Variants in DISC1 observed in about 807,000 individuals in gnomAD.
The protein encoded by DISC1 is DISC1 scaffold protein.
Under a neutral mutation model 84.5 loss-of-function variants are expected in DISC1, and 57 were observed. The observed-to-expected ratio is 0.67, with a 90% CI of 0.55 to 0.84. The LOEUF (loss-of-function observed/expected upper bound fraction) is 0.84. Ranked by LOEUF, DISC1 falls within the 40% of genes least tolerant of loss-of-function variation. The pLI, the probability that DISC1 is intolerant of heterozygous loss-of-function variation, is 0.00. For missense variants in DISC1, 1,000 were observed against 1,057.8 expected (o/e 0.95, Z 0.76); for synonymous variants, 411 against 415.2 (o/e 0.99, Z 0.12).
chr1:231,949,252 T>C (rs949074869), intron 9 of DISC1, among the ~76,000 whole-genome samples: 1 of 152,188 alleles, frequency 6.6e-6, no homozygotes, highest in East Asian at 1.9e-4. Flanking sequence ...CCTCTGTGTG[T>C]GTCTTACTAG....
intron 9 of DISC1, among the ~76,000 whole-genome samples, chr1:231,900,927 G>C (rs966565923): frequency 5.3e-5 from 8 of 152,302 alleles, no homozygotes; most frequent in Admixed American, 1.3e-4. Context: ...GCCTCAGGGT[G>C]CTCATTACCA....
intron 9 of DISC1, among the ~76,000 whole-genome samples, chr1:231,915,107 CGTTATAGTTGTTA>C (rs1436696342): frequency 6.6e-6 from 1 of 152,142 alleles, no homozygotes; most frequent in Admixed American, 6.5e-5. Flanking sequence ...TTGTTTTTGA[CGTTATAGTTGTTA>C]GCATTGGGTT....
intron 10 of DISC1, among the ~76,000 whole-genome samples, chr1:231,981,987 G>A (rs563483441): frequency 3.9e-5 from 6 of 152,196 alleles, no homozygotes; most frequent in South Asian, 4.2e-4. Context: ...TTAGAAAGAC[G>A]GTTGGCAACA....
chr1:231,851,644 G>A (rs1453009163), intron 9 of DISC1, among the ~76,000 whole-genome samples: 1 of 152,142 alleles, frequency 6.6e-6, no homozygotes, highest in Non-Finnish European at 1.5e-5. Flanking sequence ...GACAGAGATG[G>A]GGAGAGGAGT....
intron 9 of DISC1, among the ~76,000 whole-genome samples, chr1:231,923,003 C>T (rs993434301): frequency 7.2e-5 from 11 of 152,060 alleles, no homozygotes; most frequent in Non-Finnish European, 1.3e-4. Flanking sequence ...CTGAGCCAGG[C>T]GTGGTGGCTC....
chr1:231,958,210 G>T (rs200945603), intron 9 of DISC1, among the ~76,000 whole-genome samples: 1 of 152,130 alleles, frequency 6.6e-6, no homozygotes, highest in Non-Finnish European at 1.5e-5. Flanking sequence ...TCTTTTATCC[G>T]TAAAGTGCCT....
At position 231,693,925 on chromosome 1, in the gene DISC1, T is replaced by C; in HGVS notation, c.167T>C (p.Phe56Ser). ...MRSSTGPGIG[F>S]LSPAVGTLFR... ...AGCTCGACAGGGCCTGGGATCGGGT[T>C]CCTTTCCCCAGCAGTGGGCACACTG... Residue 56 changes from phenylalanine (F) to serine (S), a missense_variant, in exon 2 of 13, where the codon TTC (phenylalanine) becomes TCC (serine). Phe to Ser is a radical substitution (Grantham distance 155). Around this residue, in one of 3 missense-constraint regions of DISC1, gnomAD observed 292 missense variants for 280.2 expected, o/e 1.04. Transcript: ENST00000439617. 1 of 1,614,142 alleles carries C rather than the reference T, an allele frequency of 6.2e-7. No homozygotes were observed. The highest frequency in any genetic ancestry group is 8.5e-7 in the Non-Finnish European group (1 of 1,180,008).
intron 9 of DISC1, among the ~76,000 whole-genome samples, chr1:231,942,871 A>G (rs1402918757): frequency 2.6e-5 from 4 of 152,154 alleles, no homozygotes; most frequent in African/African-American, 9.7e-5. Context: ...GGAGCCTTAT[A>G]ACACAGACTG....
intron 3 of DISC1, chr1:231,745,621 C>T (rs1245833499): frequency 6.5e-6 from 1 of 154,762 alleles, no homozygotes; most frequent in African/African-American, 2.4e-5. Context: ...TTCTCTATTG[C>T]TGTAGAACAC....
At chr1:231,810,056 A>G (rs115440474) in intron 8 of DISC1, among the ~76,000 whole-genome samples, 2 of 152,388 alleles carry the variant, frequency 1.3e-5, no homozygotes, top group African/African-American at 2.4e-5. Context: ...TTTATTATAT[A>G]CCACGAAAAA....
chr1:231,874,923 A>AAG (rs1461128014), intron 9 of DISC1, among the ~76,000 whole-genome samples: 1 of 151,774 alleles, frequency 6.6e-6, no homozygotes, highest in Non-Finnish European at 1.5e-5. Flanking sequence ...TCTCAAAAAA[A>AAG]AAAAAAAAAA....
chr1:231,886,935 C>T (rs574517585), intron 9 of DISC1, among the ~76,000 whole-genome samples: 1 of 150,172 alleles, frequency 6.7e-6, no homozygotes, highest in Admixed American at 6.6e-5. Flanking sequence ...CATCTCAGCT[C>T]ACTGTAAGCT....
intron 8 of DISC1, among the ~76,000 whole-genome samples, chr1:231,817,666 T>TA (rs201030231): frequency 0.012 from 1,803 of 152,306 alleles, 34 homozygotes; most frequent in African/African-American, 0.041. Context: ...TTGTATTTTT[T>TA]AAAAAATCAT....
At chr1:231,944,018 C>T (rs2091481864) in intron 9 of DISC1, 1 of 152,204 alleles carries the variant, frequency 6.6e-6, no homozygotes, top group East Asian at 1.9e-4. Context: ...ACCACCACAC[C>T]CAGCCACAAA....
intron 9 of DISC1, among the ~76,000 whole-genome samples, chr1:231,935,792 C>T (rs2090948074): frequency 6.6e-6 from 1 of 152,170 alleles, no homozygotes; most frequent in African/African-American, 2.4e-5. Context: ...GCACAATGGA[C>T]AACACTTAAT....
At chr1:231,640,450 A>T (rs2059541019) in intron 1 of DISC1, among the ~76,000 whole-genome samples, 1 of 151,574 alleles carries the variant, frequency 6.6e-6, no homozygotes, top group Non-Finnish European at 1.5e-5. Flanking sequence ...TCCATAAAGC[A>T]ACACAGCAGT....
chr1:231,809,305 G>A (rs1322741016), intron 8 of DISC1, among the ~76,000 whole-genome samples: 1 of 152,162 alleles, frequency 6.6e-6, no homozygotes, highest in Non-Finnish European at 1.5e-5. Context: ...CCTCTGGCCA[G>A]TGAGGGAGCC....
chr1:231,937,976 G>A (rs1342077591), intron 9 of DISC1, among the ~76,000 whole-genome samples: 1 of 151,986 alleles, frequency 6.6e-6, no homozygotes, highest in Non-Finnish European at 1.5e-5. Flanking sequence ...CTCCTCCCGG[G>A]GGTTCTTGGC....
At chr1:232,022,632 GCTCT>G (rs1669071240) in intron 11 of DISC1, among the ~76,000 whole-genome samples, 1 of 152,084 alleles carries the variant, frequency 6.6e-6, no homozygotes, top group African/African-American at 2.4e-5. Flanking sequence ...ATCCCACCCT[GCTCT>G]CTCTGGACAG....
Sources: allele counts gnomAD v4.1 joint callset (sites outside exome capture counted in the v4.1 genomes callset), GRCh38; gene constraint gnomAD v4.1.1; regional missense constraint gnomAD v4.1.1; transcripts MANE v1.5; gene names NCBI Gene and HGNC (gene_info 2026-07-23, HGNC 2026-07-21).